CNTN1: variants seen among roughly 807,000 people sequenced by gnomAD.
CNTN1 encodes the protein contactin 1.
Under a neutral mutation model 126.4 loss-of-function variants are expected in CNTN1, and 38 were observed. The ratio of observed to expected loss-of-function variants is 0.30; its 90% CI spans 0.23 to 0.39. CNTN1 has a LOEUF of 0.39. CNTN1 is among the 10% of genes least tolerant of loss of function. The pLI is 1.00. For missense variants in CNTN1, 1,009 were observed against 1,248.4 expected (o/e 0.81, Z 2.89); for synonymous variants, 413 against 422.6 (o/e 0.98, Z 0.28).
At chr12:40,966,880 T>G (rs1452458073) in intron 15 of CNTN1, among the ~76,000 whole-genome samples, 2 of 152,212 alleles carry the variant, frequency 1.3e-5, no homozygotes, top group African/African-American at 4.8e-5. Flanking sequence ...TTTAGATTTT[T>G]CTTTCCCTCC....
chr12:40,787,955 G>A (rs1260299571), intron 1 of CNTN1, among the ~76,000 whole-genome samples: 7 of 152,088 alleles, frequency 4.6e-5, no homozygotes, highest in African/African-American at 1.7e-4. Flanking sequence ...TTTGAACCCT[G>A]GCTTTGCAAA....
chr12:40,956,362 C>T (rs1182704009), intron 14 of CNTN1, among the ~76,000 whole-genome samples: 1 of 152,028 alleles, frequency 6.6e-6, no homozygotes, highest in African/African-American at 2.4e-5. Flanking sequence ...CACATAATCA[C>T]AAAAGTGTTT....
chr12:40,720,444 G>A (rs1264844053), intron 1 of CNTN1, among the ~76,000 whole-genome samples: 1 of 151,564 alleles, frequency 6.6e-6, no homozygotes, highest in Non-Finnish European at 1.5e-5. Context: ...ACACACACAC[G>A]AGTCATGCAG....
intron 1 of CNTN1, among the ~76,000 whole-genome samples, chr12:40,894,980 C>T (rs952877884): frequency 6.6e-6 from 1 of 152,108 alleles, no homozygotes; most frequent in Non-Finnish European, 1.5e-5. Flanking sequence ...TGATTCTTTT[C>T]TTTAATAAAT....
intron 1 of CNTN1, among the ~76,000 whole-genome samples, chr12:40,725,073 C>T (rs539515429): frequency 3.5e-4 from 53 of 152,130 alleles, no homozygotes; most frequent in Non-Finnish European, 6.8e-4. Context: ...GTCTCAGGCC[C>T]GTTACCTCCC....
At chr12:41,019,220 G>A (rs991900474) in intron 19 of CNTN1, among the ~76,000 whole-genome samples, 12 of 152,158 alleles carry the variant, frequency 7.9e-5, no homozygotes, top group South Asian at 2.1e-4. Flanking sequence ...TTTGAAGAAC[G>A]AGTACATCTT....
chr12:40,973,447 T>C (rs971714393), intron 15 of CNTN1, among the ~76,000 whole-genome samples: 5 of 152,146 alleles, frequency 3.3e-5, no homozygotes, highest in African/African-American at 1.2e-4. Context: ...TTATGTTTAC[T>C]TGATTTAAAA....
intron 1 of CNTN1, among the ~76,000 whole-genome samples, chr12:40,710,007 G>C (rs1941871959): frequency 6.6e-6 from 1 of 152,042 alleles, no homozygotes; most frequent in Non-Finnish European, 1.5e-5. Flanking sequence ...AGGAGCCCCA[G>C]GTTTTTTCTT....
At chr12:41,067,017 T>A (rs1260428962) in intron 23 of CNTN1, among the ~76,000 whole-genome samples, 1 of 152,166 alleles carries the variant, frequency 6.6e-6, no homozygotes, top group East Asian at 1.9e-4. Context: ...ACCAGAATTA[T>A]GATTGATAGC....
intron 15 of CNTN1, chr12:40,971,697 T>C: frequency 7.2e-7 from 1 of 1,387,264 alleles, no homozygotes; most frequent in Non-Finnish European, 9.3e-7. Context: ...AATATAACTA[T>C]AATGCTTCAC....
chr12:40,937,739 T>C, intron 11 of CNTN1, 52 bp downstream of exon 11: 1 of 1,029,494 alleles, frequency 9.7e-7, no homozygotes, highest in Non-Finnish European at 1.5e-6. Flanking sequence ...ATATGTCATA[T>C]CACACAAAAT....
chr12:40,815,271 TC>T (rs1941221001), intron 1 of CNTN1, among the ~76,000 whole-genome samples: 1 of 152,334 alleles, frequency 6.6e-6, no homozygotes, highest in Non-Finnish European at 1.5e-5. Context: ...TATTGATTCT[TC>T]CTATCCATGA....
At chr12:40,871,792 T>C (rs910642813) in intron 1 of CNTN1, among the ~76,000 whole-genome samples, 2 of 152,154 alleles carry the variant, frequency 1.3e-5, no homozygotes, top group Non-Finnish European at 2.9e-5. Flanking sequence ...TCATCTGTTA[T>C]TTTTCTTTTG....
chr12:41,002,560 T>TTC (rs1452329786), intron 17 of CNTN1, among the ~76,000 whole-genome samples: 1 of 142,844 alleles, frequency 7.0e-6, no homozygotes, highest in African/African-American at 2.7e-5. Context: ...GTTTCTTTCT[T>TTC]TTTTTTTTTT....
chr12:40,924,210 G>A (rs939604480), intron 5 of CNTN1, among the ~76,000 whole-genome samples: 10 of 151,890 alleles, frequency 6.6e-5, no homozygotes, highest in Admixed American at 2.0e-4. Flanking sequence ...TCTTTGGTAG[G>A]TCCCTGGTTT....
At chr12:40,993,314 A>C in intron 17 of CNTN1, 45 bp downstream of exon 17, 2 of 1,497,306 alleles carry the variant, frequency 1.3e-6, no homozygotes. Context: ...ATTTCTAAAT[A>C]CAGTGCCACT....
intron 14 of CNTN1, among the ~76,000 whole-genome samples, chr12:40,949,727 A>G (rs1251905063): frequency 6.6e-6 from 1 of 150,666 alleles, no homozygotes; most frequent in African/African-American, 2.4e-5. Flanking sequence ...GGTGCCTGCC[A>G]CCACACCTGA....
intron 14 of CNTN1, among the ~76,000 whole-genome samples, chr12:40,952,251 A>G (rs11179170): frequency 6.6e-6 from 1 of 152,084 alleles, no homozygotes; most frequent in Non-Finnish European, 1.5e-5. Flanking sequence ...CAAGGTCCTT[A>G]TTTCTAAAAT....
chr12:40,719,920 C>G (rs1157003453), intron 1 of CNTN1, among the ~76,000 whole-genome samples: 2 of 152,042 alleles, frequency 1.3e-5, no homozygotes, highest in Admixed American at 6.5e-5. Flanking sequence ...TCACTGCAAG[C>G]TCCGCCTCCT....
Sources: gnomAD v4.1 joint callset for allele counts (sites outside exome capture counted in the v4.1 genomes callset) on GRCh38, gnomAD v4.1.1 for gene constraint, MANE v1.5 for transcripts, NCBI Gene and HGNC (gene_info 2026-07-23, HGNC 2026-07-21) for gene names.